HSPA6: variants seen among roughly 807,000 people sequenced by gnomAD.
HSPA6 encodes the protein heat shock protein family A (Hsp70) member 6.
For synonymous variants in HSPA6, 312 were observed against 368.2 expected (o/e 0.85, Z 1.75); for missense variants, 718 against 860.9 (o/e 0.83, Z 2.08).
At position 161,526,091 on chromosome 1, in the gene HSPA6, T is replaced by C; in HGVS notation, c.1433T>C (p.Val478Ala). ...CCACGTGGAGTCCCCCAGATAGAGG[T>C]GACTTTTGACATTGATGCTAATGGC... The part of the protein sequence containing the change: ...PAPRGVPQIE[V>A]TFDIDANGIL... Residue 478 changes from valine to alanine, a missense_variant, in exon 1 of 1, where the codon GTG becomes GCG. Physicochemically the swap from Val to Ala is moderately conservative, Grantham distance 64. Coordinates refer to ENST00000309758, the MANE Select transcript of HSPA6 (RefSeq NM_002155.5). The C allele has an allele frequency of 6.2e-7, 1 of 1,613,762 alleles. No individual in the cohort carries two copies. The highest frequency in any genetic ancestry group is 2.2e-5 in the East Asian group (1 of 44,860).
At position 161,525,247 on chromosome 1, in the gene HSPA6, G is replaced by A. The variant is rs139552185; in HGVS notation, c.589G>A (p.Val197Met). The change falls in exon 1 of 1, where the codon GTG becomes ATG. Residue 197 changes from valine to methionine, a missense_variant. Transcript: ENST00000309758. ...CCGGCGGGGCGCGGGAGAGCGCAACGTGCTCATTTTTGACCTGGGTGGGGG... is the reference window on the plus strand; with the variant it reads ...CCGGCGGGGCGCGGGAGAGCGCAACATGCTCATTTTTGACCTGGGTGGGGG... ...LDRRGAGERN[V>M]LIFDLGGGTF... 191 of 1,613,930 alleles carry A rather than the reference G, an allele frequency of 1.2e-4. No individual in the cohort carries two copies. The highest frequency in any genetic ancestry group is 1.8e-4 in the Admixed American group (11 of 60,002).
Position 161,524,960 on chromosome 1 carries a change from G to A in HSPA6, c.302G>A (p.Gly101Asp), listed in dbSNP as rs776478719. Residue 101 changes from glycine to aspartate, a missense_variant, in exon 1 of 1, where the codon GGC becomes GAC. Transcript: ENST00000309758. ...HWPFRVVSEG[G>D]KPKVRVCYRG... ...CCCTTCCGGGTGGTGAGCGAGGGCG[G>A]CAAGCCCAAGGTGCGCGTATGCTAC... 3 of 1,613,592 alleles carry A rather than the reference G, an allele frequency of 1.9e-6. No individual in the cohort carries two copies. The East Asian group carries it at 6.7e-5, about 36-fold the overall frequency.
Position 161,525,802 on chromosome 1 carries a change from T to A in HSPA6, c.1144T>A (p.Leu382Met). Reference sequence around the variant, plus strand: ...TGGGGCTGCTGTGCAGGCGGCCGTGTTGATGGGGGACAAATGTGAGAAAGT... The same window carrying A: ...TGGGGCTGCTGTGCAGGCGGCCGTGATGATGGGGGACAAATGTGAGAAAGT... ...AYGAAVQAAV[L>M]MGDKCEKVQD... The change falls in exon 1 of 1, where the codon TTG becomes ATG. Residue 382 changes from leucine to methionine, a missense_variant. Coordinates refer to ENST00000309758, the MANE Select transcript of HSPA6 (RefSeq NM_002155.5). The A allele has an allele frequency of 6.3e-7, 1 of 1,599,050 alleles. No individual in the cohort carries two copies. Among genetic ancestry groups the A allele is most frequent in the Non-Finnish European group, 8.5e-7 (1 of 1,171,172 alleles).
At position 161,526,091 on chromosome 1, in the gene HSPA6, T is replaced by G; in HGVS notation, c.1433T>G (p.Val478Gly). 6.2e-7 allele frequency: 1 copy of G among 1,613,762 alleles called. No homozygotes were observed. The highest frequency in any genetic ancestry group is 8.5e-7 in the Non-Finnish European group (1 of 1,179,864). ...PAPRGVPQIE[V>G]TFDIDANGIL... ...CCACGTGGAGTCCCCCAGATAGAGG[T>G]GACTTTTGACATTGATGCTAATGGC... The change falls in exon 1 of 1, where the codon GTG becomes GGG. Residue 478 changes from valine (V) to glycine (G), a missense_variant. Coordinates refer to ENST00000309758, the MANE Select transcript of HSPA6 (RefSeq NM_002155.5).
In HSPA6 at chr1:161,525,439, G is replaced by T. The variant is rs1412101802; in HGVS notation, c.781G>T (p.Ala261Ser). Residue 261 changes from alanine to serine, a missense_variant, in exon 1 of 1, where the codon GCC (alanine) becomes TCC (serine). Physicochemically the swap from Ala to Ser is moderately conservative, Grantham distance 99 (BLOSUM62 1). Transcript: ENST00000309758. ...HGKDLSGNKRALRRLRTACER... is the reference protein window; with the variant it reads ...HGKDLSGNKRSLRRLRTACER... ...GAAGGACCTGAGCGGGAACAAGCGT[G>T]CCCTGCGCAGGCTGCGCACAGCCTG... 1.9e-5 allele frequency: 30 copies of T among 1,611,914 alleles called. No homozygotes were observed. The highest frequency in any genetic ancestry group is 2.4e-5 in the Non-Finnish European group (28 of 1,178,960).
rs766617427 is a variant in HSPA6, at chr1:161,525,982, A to T, written c.1324A>T (p.Ile442Phe). 3.7e-6 allele frequency: 6 copies of T among 1,613,730 alleles called. No homozygotes were observed. Among genetic ancestry groups the T allele is most frequent in the Non-Finnish European group, 5.1e-6 (6 of 1,179,860 alleles). Residue 442 changes from isoleucine (I) to phenylalanine (F), a missense_variant, in exon 1 of 1, where the codon ATC (isoleucine) becomes TTC (phenylalanine). Transcript: ENST00000309758. ...CTCGGACAACCAGCCTGGGGTCTTC[A>T]TCCAGGTGTATGAGGGTGAGAGGGC... ...TYSDNQPGVF[I>F]QVYEGERAMT...
rs770187576 is a variant in HSPA6, at chr1:161,524,730, G to T, written c.72G>T (p.Gln24His). 3.1e-5 allele frequency: 46 copies of T among 1,472,000 alleles called. No individual in the cohort carries two copies. Among genetic ancestry groups the T allele is most frequent in the Non-Finnish European group, 4.3e-5 (46 of 1,080,032 alleles). The allele number at this position is 1,472,000 out of a possible 1,614,324, so 91.2% of individuals were successfully genotyped here. A position where few individuals can be genotyped will look rare whatever the true frequency, so the allele number is the denominator to read the frequency against. ...GTTYSCVGVFQQGRVEILAND... is the reference protein window; with the variant it reads ...GTTYSCVGVFHQGRVEILAND... ...CCTACTCGTGCGTGGGCGTGTTTCA[G>T]CAGGGCCGCGTGGAGATCCTGGCCA... The change falls in exon 1 of 1, where the codon CAG (glutamine) becomes CAT (histidine). Residue 24 changes from glutamine to histidine, a missense_variant. Coordinates refer to ENST00000309758, the MANE Select transcript of HSPA6 (RefSeq NM_002155.5).
rs1311333619 is a variant in HSPA6, at chr1:161,525,893, T to C, written c.1235T>C (p.Met412Thr). ...SLGLETAGGV[M>T]TTLIQRNATI... Reference sequence around the variant, plus strand: ...GGGCTGGAGACAGCAGGTGGGGTGATGACCACGCTGATCCAGAGGAACGCC... The same window carrying C: ...GGGCTGGAGACAGCAGGTGGGGTGACGACCACGCTGATCCAGAGGAACGCC... Residue 412 changes from methionine (M) to threonine (T), a missense_variant, in exon 1 of 1, where the codon ATG becomes ACG. Coordinates refer to ENST00000309758, the MANE Select transcript of HSPA6 (RefSeq NM_002155.5). 4 of 1,594,596 alleles carry C rather than the reference T, an allele frequency of 2.5e-6. No individual in the cohort carries two copies. Among genetic ancestry groups the C allele is most frequent in the Non-Finnish European group, 3.4e-6 (4 of 1,167,980 alleles).
At position 161,526,725 on chromosome 1, in the gene HSPA6, T is replaced by G; in HGVS notation, c.*135T>G. The G allele has an allele frequency of 1.0e-6, 1 of 984,784 alleles. No individual in the cohort carries two copies. Among genetic ancestry groups the G allele is most frequent in the Non-Finnish European group, 1.4e-6 (1 of 711,436 alleles). The allele number at this position is 984,784 out of a possible 1,614,324, so 61.0% of individuals were successfully genotyped here. A position where few individuals can be genotyped will look rare whatever the true frequency, so the allele number is the denominator to read the frequency against. The stretch of plus-strand genomic sequence containing the variant: ...AACTTTCTTCCCAGGATAACTGAAG[T>G]CTTTTGACTTTTTGCGGGGAGGGCG... On this transcript the variant is annotated 3_prime_UTR_variant, in exon 1 of 1. Transcript: ENST00000309758.
At position 161,525,241 on chromosome 1, in the gene HSPA6, C is replaced by T; in HGVS notation, c.583C>T (p.Arg195Cys). The change falls in exon 1 of 1, where the codon CGC becomes TGC. Residue 195 changes from arginine (R) to cysteine (C), a missense_variant. By Grantham distance (180) the Arg-to-Cys change is radical. Coordinates refer to ENST00000309758, the MANE Select transcript of HSPA6 (RefSeq NM_002155.5). Reference sequence around the variant, plus strand: ...GCTGGACCGGCGGGGCGCGGGAGAGCGCAACGTGCTCATTTTTGACCTGGG... The same window carrying T: ...GCTGGACCGGCGGGGCGCGGGAGAGTGCAACGTGCTCATTTTTGACCTGGG... ...YGLDRRGAGE[R>C]NVLIFDLGGG... 3.7e-6 allele frequency: 6 copies of T among 1,613,988 alleles called. No individual in the cohort carries two copies. Among genetic ancestry groups the T allele is most frequent in the Non-Finnish European group, 4.2e-6 (5 of 1,179,956 alleles).
chr1:161,525,704 A>G lies in HSPA6; in HGVS notation c.1046A>G (p.Gln349Arg). 2 of 1,613,522 alleles carry G rather than the reference A, an allele frequency of 1.2e-6. No individual in the cohort carries two copies. The highest frequency in any genetic ancestry group is 1.6e-4 in the Middle Eastern group (1 of 6,062). Residue 349 changes from glutamine (Q) to arginine (R), a missense_variant, in exon 1 of 1, where the codon CAG becomes CGG. Transcript: ENST00000309758. ...GGCTCCACACGCATCCCCAAGGTGC[A>G]GAAGTTGCTGCAGGACTTCTTCAAC... ...VGGSTRIPKV[Q>R]KLLQDFFNGK...
Position 161,524,937 on chromosome 1 carries a change from C to T in HSPA6, c.279C>T (p.Pro93=). Residue 93 remains proline, a synonymous_variant, in exon 1 of 1, where the codon CCC becomes CCT. Transcript: ENST00000309758. ...TGCAGTCGGACATGAAGCACTGGCCCTTCCGGGTGGTGAGCGAGGGCGGCA... is the reference window on the plus strand; with the variant it reads ...TGCAGTCGGACATGAAGCACTGGCCTTTCCGGGTGGTGAGCGAGGGCGGCA... ...TTVQSDMKHW[P]FRVVSEGGKP... is the part of the protein sequence containing the mutation. The T allele has an allele frequency of 1.2e-6, 2 of 1,613,684 alleles. No individual in the cohort carries two copies. The highest frequency in any genetic ancestry group is 1.7e-6 in the Non-Finnish European group (2 of 1,179,934).
rs1200521295 is a variant in HSPA6, at chr1:161,525,008, A to G, written c.350A>G (p.Tyr117Cys). 3.7e-6 allele frequency: 6 copies of G among 1,612,630 alleles called. No homozygotes were observed. The highest frequency in any genetic ancestry group is 5.1e-6 in the Non-Finnish European group (6 of 1,179,738). ...VCYRGEDKTF[Y>C]PEEISSMVLS... ...TACCGCGGGGAGGACAAGACGTTCT[A>G]CCCCGAGGAGATCTCGTCCATGGTG... Residue 117 changes from tyrosine (Y) to cysteine (C), a missense_variant, in exon 1 of 1, where the codon TAC becomes TGC. Transcript: ENST00000309758.
Position 161,525,673 on chromosome 1 carries a change from G to A in HSPA6, c.1015G>A (p.Val339Met), listed in dbSNP as rs142859332. Reference protein sequence around the residue: ...DKAQIHDVVLVGGSTRIPKVQ... With the variant: ...DKAQIHDVVLMGGSTRIPKVQ... ...GGCCCAGATTCATGACGTCGTCCTG[G>A]TGGGGGGCTCCACACGCATCCCCAA... is the stretch of plus-strand genomic sequence containing the variant. Residue 339 changes from valine to methionine, a missense_variant, in exon 1 of 1, where the codon GTG becomes ATG. By Grantham distance (21) the Val-to-Met change is conservative (BLOSUM62 1). Coordinates refer to ENST00000309758, the MANE Select transcript of HSPA6 (RefSeq NM_002155.5). The A allele has an allele frequency of 3.2e-3, 5,214 of 1,613,986 alleles. 54 individuals carry two copies. Among genetic ancestry groups the A allele is most frequent in the Admixed American group, 4.1e-3 (244 of 60,004 alleles).
rs1676641294 is a variant in HSPA6 at position 161,525,139 on chromosome 1, A to T, written c.481A>T (p.Lys161Ter). Reference sequence around the variant, plus strand: ...CAATGACTCGCAGCGCCAGGCCACCAAGGACGCGGGGGCCATCGCGGGGCT... The same window carrying T: ...CAATGACTCGCAGCGCCAGGCCACCTAGGACGCGGGGGCCATCGCGGGGCT... ...YFNDSQRQAT[K>*]DAGAIAGLNV... The change falls in exon 1 of 1, where the codon AAG (lysine) becomes TAG (stop). Residue 161 changes from lysine (K) to a stop codon, truncating the protein, a stop_gained. Coordinates refer to ENST00000309758, the MANE Select transcript of HSPA6 (RefSeq NM_002155.5). LOFTEE classifies it low-confidence loss of function (END_TRUNC). The T allele has an allele frequency of 1.2e-6, 2 of 1,613,766 alleles. No homozygotes were observed. The highest frequency in any genetic ancestry group is 1.7e-6 in the Non-Finnish European group (2 of 1,179,942).
chr1:161,526,719 C>G lies in HSPA6; in HGVS notation c.*129C>G. The stretch of plus-strand genomic sequence containing the variant: ...AGCTAGAACTTTCTTCCCAGGATAA[C>G]TGAAGTCTTTTGACTTTTTGCGGGG... On this transcript the variant is annotated 3_prime_UTR_variant, in exon 1 of 1. Coordinates refer to ENST00000309758, the MANE Select transcript of HSPA6 (RefSeq NM_002155.5). 1.8e-6 allele frequency: 2 copies of G among 1,081,274 alleles called. No individual in the cohort carries two copies. Among genetic ancestry groups the G allele is most frequent in the Non-Finnish European group, 2.5e-6 (2 of 796,724 alleles). The allele number at this position is 1,081,274 out of a possible 1,614,324, so 67.0% of individuals were successfully genotyped here.
Position 161,526,167 on chromosome 1 carries a change from C to T in HSPA6, c.1509C>T (p.Ile503=). Residue 503 remains isoleucine (I), a synonymous_variant, in exon 1 of 1, where the codon ATC becomes ATT. Transcript: ENST00000309758. ...TDRSTGKANK[I]TITNDKGRLS... is the part of the protein sequence containing the mutation. Reference sequence around the variant, plus strand: ...GGAGCACAGGTAAGGCTAACAAGATCACCATCACCAATGACAAGGGCCGGC... The same window carrying T: ...GGAGCACAGGTAAGGCTAACAAGATTACCATCACCAATGACAAGGGCCGGC... 1 of 1,613,766 alleles carries T rather than the reference C, an allele frequency of 6.2e-7. No homozygotes were observed. Among genetic ancestry groups the T allele is most frequent in the East Asian group, 2.2e-5 (1 of 44,868 alleles).
Position 161,526,580 on chromosome 1 carries a change from A to T in HSPA6, c.1922A>T (p.Glu641Val). 6.5e-7 allele frequency: 1 copy of T among 1,531,962 alleles called. No individual in the cohort carries two copies. Among genetic ancestry groups the T allele is most frequent in the Non-Finnish European group, 8.8e-7 (1 of 1,141,052 alleles). 94.9% of individuals were successfully genotyped at this position (1,531,962 alleles called of 1,614,324 possible). A position where few individuals can be genotyped will look rare whatever the true frequency, so the allele number is the denominator to read the frequency against. Residue 641 changes from glutamate to valine, a missense_variant, in exon 1 of 1, where the codon GAG (glutamate) becomes GTG (valine). Physicochemically the swap from Glu to Val is moderately radical, Grantham distance 121. Transcript: ENST00000309758. ...CCCAGCACCGGCCCCATCATTGAGG[A>T]GGTTGATTGAATGGCCCTTCGTGAT... ...GDPSTGPIIEEVD is the reference protein window; with the variant it reads ...GDPSTGPIIEVVD
chr1:161,525,903 G>A lies in HSPA6; in HGVS notation c.1245G>A (p.Leu415=). The A allele has an allele frequency of 4.4e-6, 7 of 1,599,552 alleles. No individual in the cohort carries two copies. The highest frequency in any genetic ancestry group is 6.0e-6 in the Non-Finnish European group (7 of 1,171,084). ...CAGCAGGTGGGGTGATGACCACGCT[G>A]ATCCAGAGGAACGCCACTATCCCCA... The part of the protein sequence containing the change: ...LETAGGVMTT[L]IQRNATIPTK... The change falls in exon 1 of 1, where the codon CTG becomes CTA. Residue 415 remains leucine, a synonymous_variant. Coordinates refer to ENST00000309758, the MANE Select transcript of HSPA6 (RefSeq NM_002155.5).
Sources: gnomAD v4.1 joint callset for allele counts on GRCh38, gnomAD v4.1.1 for gene constraint, MANE v1.5 for transcripts, NCBI Gene and HGNC (gene_info 2026-07-23, HGNC 2026-07-21) for gene names.